The following ATP10D variants were observed in gnomAD, a reference collection of about 807,000 sequenced individuals.
ATP10D encodes ATPase phospholipid transporting 10D (putative).
ATP10D carries 89 observed loss-of-function variants against 144.8 expected under a neutral mutation model. The observed-to-expected ratio is 0.61, with a 90% confidence interval of 0.52 to 0.73. ATP10D has a LOEUF of 0.73. Among genes scored for constraint, ATP10D ranks in the 30% least tolerant of loss-of-function variants. ATP10D has a pLI of 0.00. For missense variants in ATP10D, 1,603 were observed against 1,714.8 expected, an observed-to-expected ratio of 0.93 and a Z score of 1.15; for synonymous variants, 571 against 615.1, an observed-to-expected ratio of 0.93 and a Z score of 1.06.
Position 47,525,503 on chromosome 4 carries a change from A to G in ATP10D, c.691-54A>G. On this transcript the variant is annotated intron_variant, in intron 4 of 22. Transcript: ENST00000273859. ...TTGATGAAAGTGATAAAACACTTCA[A>G]TATTAAGGGTTTAACCTTGAATTCT... 1.3e-5 allele frequency: 16 copies of G among 1,254,072 alleles called. 1 individual carries two copies. The South Asian group carries it at 1.6e-4, about 12-fold the overall frequency. 77.7% of individuals were successfully genotyped at this position (1,254,072 alleles called of 1,614,324 possible).
chr4:47,566,600 T>C (rs563714529), intron 15 of ATP10D, among the ~76,000 whole-genome samples: 1 of 152,304 alleles, frequency 6.6e-6, no homozygotes, highest in African/African-American at 2.4e-5. Flanking sequence ...AATTTTCTGA[T>C]TCCCATTACA....
intron 1 of ATP10D, among the ~76,000 whole-genome samples, chr4:47,488,323 C>A (rs925064424): frequency 6.6e-6 from 1 of 151,378 alleles, no homozygotes; most frequent in Non-Finnish European, 1.5e-5. Flanking sequence ...TTCATTTAAT[C>A]AAAAGTATTT....
chr4:47,524,687 C>T (rs1717141797), intron 4 of ATP10D, among the ~76,000 whole-genome samples: 1 of 152,144 alleles, frequency 6.6e-6, no homozygotes, highest in Non-Finnish European at 1.5e-5. Flanking sequence ...ATTACTGATC[C>T]TCTTTGTGTC....
chr4:47,569,265 C>T, intron 16 of ATP10D, 119 bp downstream of exon 16: 1 of 1,161,436 alleles, frequency 8.6e-7, no homozygotes, highest in Non-Finnish European at 1.2e-6. Context: ...TTTTTCTCTA[C>T]CACATTCATG....
Position 47,587,100 on chromosome 4 carries a change from A to C in ATP10D, c.3835A>C (p.Thr1279Pro), listed in dbSNP as rs752113748. Reference sequence around the variant, plus strand: ...CATAGTTTTTGGAGCCATGTGTGTAACTTGCAACCCACCATCCAACCCTTA... The same window carrying C: ...CATAGTTTTTGGAGCCATGTGTGTACCTTGCAACCCACCATCCAACCCTTA... Reference protein sequence around the residue: ...FAIVFGAMCVTCNPPSNPYWI... With the variant: ...FAIVFGAMCVPCNPPSNPYWI... The change falls in exon 22 of 23, where the codon ACT becomes CCT. Residue 1279 changes from threonine to proline, a missense_variant. Transcript: ENST00000273859. 5.6e-6 allele frequency: 9 copies of C among 1,614,056 alleles called. No homozygotes were observed. In the South Asian group the frequency reaches 9.9e-5, roughly 18 times the overall value.
chr4:47,561,776 G>A (rs1163310906), intron 14 of ATP10D, among the ~76,000 whole-genome samples: 2 of 152,160 alleles, frequency 1.3e-5, no homozygotes, highest in African/African-American at 4.8e-5. Context: ...TCTGTTGTGT[G>A]GCTTGGGCAT....
Position 47,546,638 on chromosome 4 carries a change from T to G in ATP10D, c.1411T>G (p.Ser471Ala). 6.2e-7 allele frequency: 1 copy of G among 1,613,902 alleles called. No individual in the cohort carries two copies. Among genetic ancestry groups the G allele is most frequent in the Non-Finnish European group, 8.5e-7 (1 of 1,179,890 alleles). Residue 471 changes from serine to alanine, a missense_variant, in exon 10 of 23, where the codon TCC (serine) becomes GCC (alanine). Coordinates refer to ENST00000273859, the MANE Select transcript of ATP10D (RefSeq NM_020453.4). ...TTATCCCACAGCCAGGAGGTTGGAG[T>G]CCTATCAGGAAGCTGTCTCTGAAGA... ...CHEENARRLE[S>A]YQEAVSEDED... is the part of the protein sequence containing the mutation.
At chr4:47,500,526 G>C (rs1359079480) in intron 1 of ATP10D, among the ~76,000 whole-genome samples, 2 of 152,230 alleles carry the variant, frequency 1.3e-5, no homozygotes, top group Non-Finnish European at 2.9e-5. Flanking sequence ...AGAATTTGCG[G>C]ACTGACATGA....
intron 15 of ATP10D, among the ~76,000 whole-genome samples, chr4:47,564,321 T>G (rs1012619147): frequency 6.6e-6 from 1 of 151,766 alleles, no homozygotes; most frequent in Non-Finnish European, 1.5e-5. Flanking sequence ...AATAAAGGCA[T>G]TAGAAGAAAG....
intron 3 of ATP10D, among the ~76,000 whole-genome samples, chr4:47,518,042 T>C (rs1005962593): frequency 3.3e-5 from 5 of 152,156 alleles, no homozygotes; most frequent in African/African-American, 1.2e-4. Context: ...TATTATAAGG[T>C]TATAAAGAAA....
intron 21 of ATP10D, among the ~76,000 whole-genome samples, chr4:47,585,491 A>G (rs1720744193): frequency 6.6e-6 from 1 of 152,216 alleles, no homozygotes; most frequent in South Asian, 2.1e-4. Flanking sequence ...CCTTTGAGTT[A>G]CAAACAATCC....
chr4:47,560,621 G>A (rs143580066), intron 13 of ATP10D, among the ~76,000 whole-genome samples: 1 of 152,194 alleles, frequency 6.6e-6, no homozygotes, highest in Non-Finnish European at 1.5e-5. Flanking sequence ...AATCAAACTG[G>A]ATTTAACTGT....
At chr4:47,576,699 G>A in intron 18 of ATP10D, 74 bp from the exon 19 acceptor site, 6 of 1,412,904 alleles carry the variant, frequency 4.2e-6, no homozygotes, top group Non-Finnish European at 6.0e-6. Flanking sequence ...GCTCAAAATG[G>A]CAGCATTTGG....
intron 18 of ATP10D, among the ~76,000 whole-genome samples, chr4:47,575,995 G>C (rs952980034): frequency 7.4e-6 from 1 of 135,202 alleles, no homozygotes; most frequent in African/African-American, 2.8e-5. Flanking sequence ...GCAGTGGCGC[G>C]ATCTCGGCTC....
At chr4:47,565,536 C>T (rs964895958) in intron 15 of ATP10D, among the ~76,000 whole-genome samples, 5 of 152,110 alleles carry the variant, frequency 3.3e-5, no homozygotes, top group Admixed American at 3.3e-4. Flanking sequence ...AGTTACTTAC[C>T]CTCCTGTGCC....
chr4:47,557,808 GTGA>G lies in ATP10D; in HGVS notation c.1970_1972del (p.Val657_Ser658delinsGly). 6.2e-7 allele frequency: 1 copy of G among 1,614,178 alleles called. No homozygotes were observed. The highest frequency in any genetic ancestry group is 8.5e-7 in the Non-Finnish European group (1 of 1,180,012). Reference sequence around the variant, plus strand: ...ATCTTCTGGAGTTCCAAACGCCTTTGTGAGCAGACTCCCTCTCTTTAGTCGAAT... The same window carrying G: ...ATCTTCTGGAGTTCCAAACGCCTTTGGCAGACTCCCTCTCTTTAGTCGAAT... On this transcript the variant is annotated inframe_deletion, in exon 12 of 23. Coordinates refer to ENST00000273859, the MANE Select transcript of ATP10D (RefSeq NM_020453.4).
intron 9 of ATP10D, among the ~76,000 whole-genome samples, chr4:47,538,001 T>G (rs1362229319): frequency 6.6e-6 from 1 of 152,190 alleles, no homozygotes; most frequent in Non-Finnish European, 1.5e-5. Context: ...ATTGTTTTTA[T>G]AAGACACATT....
chr4:47,564,903 G>C (rs1248617395), intron 15 of ATP10D, among the ~76,000 whole-genome samples: 1 of 152,150 alleles, frequency 6.6e-6, no homozygotes, highest in Non-Finnish European at 1.5e-5. Context: ...TTTTCTTCAG[G>C]ATCACTTCTT....
At position 47,575,590 on chromosome 4, in the gene ATP10D, C is replaced by T. The variant is rs546729636; in HGVS notation, c.3367-1183C>T. 3.3e-5 allele frequency among the ~76,000 whole-genome samples: 5 copies of T among 152,262 alleles called. 1 individual carries two copies. The highest frequency in any genetic ancestry group is 1.2e-4 in the African/African-American group (5 of 41,556). On this transcript the variant is annotated intron_variant, in intron 18 of 22. Transcript: ENST00000273859. Reference sequence around the variant, plus strand: ...ATGGACATTTGTGCTGTGCCTACTCCATGTCTGTGCCAGGCACTGGGCTAG... The same window carrying T: ...ATGGACATTTGTGCTGTGCCTACTCTATGTCTGTGCCAGGCACTGGGCTAG...
Sources: gnomAD v4.1 joint callset for allele counts (sites outside exome capture counted in the v4.1 genomes callset) on GRCh38, gnomAD v4.1.1 for gene constraint, MANE v1.5 for transcripts, NCBI Gene and HGNC (gene_info 2026-07-23, HGNC 2026-07-21) for gene names.